PIWIL2: variants seen among roughly 807,000 people sequenced by gnomAD.
PIWIL2 encodes piwi-like protein 2.
In PIWIL2, 81 loss-of-function variants were observed where a neutral mutation model predicts 116.5. The observed-to-expected ratio is 0.70, with a 90% CI of 0.58 to 0.84. PIWIL2 has a LOEUF of 0.84. PIWIL2 is among the 40% of genes least tolerant of loss of function. PIWIL2 has a pLI of 0.00. For missense variants in PIWIL2, 1,272 were observed against 1,212.3 expected, an observed-to-expected ratio of 1.05 and a Z score of -0.73; for synonymous variants, 489 against 429.5, an observed-to-expected ratio of 1.14 and a Z score of -1.71.
chr8:22,347,601 A>G (rs1051619478), intron 20 of PIWIL2, among the ~76,000 whole-genome samples: 25 of 139,636 alleles, frequency 1.8e-4, no homozygotes, highest in Non-Finnish European at 3.0e-4. Context: ...ACCTTGCCTC[A>G]CTGCAGCCTC....
intron 20 of PIWIL2, among the ~76,000 whole-genome samples, chr8:22,331,746 G>A (rs539635000): frequency 1.3e-5 from 2 of 152,094 alleles, no homozygotes; most frequent in South Asian, 2.1e-4. Flanking sequence ...TGGCAGAGTC[G>A]GTTTCTTTTG....
intron 10 of PIWIL2, among the ~76,000 whole-genome samples, chr8:22,301,460 T>C (rs1376215703): frequency 6.6e-6 from 1 of 151,594 alleles, no homozygotes; most frequent in Non-Finnish European, 1.5e-5. Flanking sequence ...CACACCTGGC[T>C]GTTTTGTACT....
At chr8:22,284,437 TTGTG>T (rs1192581334) in intron 6 of PIWIL2, among the ~76,000 whole-genome samples, 165 bp downstream of exon 6, 1 of 152,172 alleles carries the variant, frequency 6.6e-6, no homozygotes, top group African/African-American at 2.4e-5. Context: ...ATCTTAAACT[TTGTG>T]TATGTATTTA....
In PIWIL2 at chr8:22,354,362, C is replaced by G; in HGVS notation, c.2749C>G (p.Pro917Ala). 6.2e-7 allele frequency: 1 copy of G among 1,609,532 alleles called. No individual in the cohort carries two copies. Reference sequence around the variant, plus strand: ...TGTTCTCAACACCGCAAACCTGAGCCCTGATCATATGCAGAGGTGGGCCCA... The same window carrying G: ...TGTTCTCAACACCGCAAACCTGAGCGCTGATCATATGCAGAGGTGGGCCCA... The part of the protein sequence containing the change: ...VCVLNTANLS[P>A]DHMQRLTFKL... Residue 917 changes from proline (P) to alanine (A), a missense_variant, in exon 22 of 23, where the codon CCT (proline) becomes GCT (alanine). Physicochemically the swap from Pro to Ala is conservative, Grantham distance 27. Transcript: ENST00000356766.
At position 22,357,270 on chromosome 8, in the gene PIWIL2, G is replaced by T. The variant is rs1223921777; in HGVS notation, c.*1765G>T. ...CACTGCTGGTTTCATTTGGAGTGTG[G>T]GACATTAGGGTGAGACAAGGACCTG... is the stretch of plus-strand genomic sequence containing the variant. On this transcript the variant is annotated 3_prime_UTR_variant, in exon 23 of 23. Transcript: ENST00000356766. 6.6e-6 allele frequency: 1 copy of T among 152,138 alleles called. No individual in the cohort carries two copies. Among genetic ancestry groups the T allele is most frequent in the African/African-American group, 2.4e-5 (1 of 41,412 alleles). 9.4% of individuals were successfully genotyped at this position (152,138 alleles called of 1,614,324 possible).
At chr8:22,326,829 C>T (rs780605397) in intron 20 of PIWIL2, among the ~76,000 whole-genome samples, 11 of 151,502 alleles carry the variant, frequency 7.3e-5, no homozygotes, top group Non-Finnish European at 1.3e-4. Context: ...GTTTAAGTTC[C>T]CATTTTCAGT....
chr8:22,277,886 A>G (rs1830413651), intron 1 of PIWIL2, among the ~76,000 whole-genome samples: 1 of 152,202 alleles, frequency 6.6e-6, no homozygotes, highest in Non-Finnish European at 1.5e-5. Context: ...AATTGTTTAT[A>G]GGCCAGGCAC....
chr8:22,314,597 A>G (rs1019256581), intron 17 of PIWIL2, among the ~76,000 whole-genome samples, 168 bp downstream of exon 17: 1 of 152,156 alleles, frequency 6.6e-6, no homozygotes, highest in African/African-American at 2.4e-5. Flanking sequence ...CAAAGAGTAG[A>G]TTGCTCTTCA....
intron 10 of PIWIL2, among the ~76,000 whole-genome samples, chr8:22,299,099 T>C (rs1830982826): frequency 6.6e-6 from 1 of 152,212 alleles, no homozygotes; most frequent in African/African-American, 2.4e-5. Flanking sequence ...TATGAATATT[T>C]GTTTTCATTT....
intron 20 of PIWIL2, among the ~76,000 whole-genome samples, chr8:22,348,968 TC>T (rs1832290045): frequency 6.6e-6 from 1 of 152,146 alleles, no homozygotes; most frequent in Non-Finnish European, 1.5e-5. Flanking sequence ...TGCCTTGAAC[TC>T]AGTGGTTAGT....
Position 22,311,103 on chromosome 8 carries a change from T to G in PIWIL2, c.1801-9T>G. The G allele has an allele frequency of 6.3e-7, 1 of 1,595,842 alleles. No homozygotes were observed. The highest frequency in any genetic ancestry group is 1.3e-5 in the African/African-American group (1 of 74,276). ...GTGAGAAATACTAAAAGCTCTTGGT[T>G]GTTCCTAGATCCCCATGCATTTCTG... On this transcript the variant is annotated splice_polypyrimidine_tract_variant and intron_variant, in intron 15 of 22. Transcript: ENST00000356766.
intron 8 of PIWIL2, 55 bp from the exon 9 acceptor site, chr8:22,289,792 G>A (rs1830715881): frequency 9.5e-7 from 1 of 1,056,710 alleles, no homozygotes; most frequent in Non-Finnish European, 1.5e-6. Flanking sequence ...AAGAATAATG[G>A]AACATAATTT....
intron 16 of PIWIL2, among the ~76,000 whole-genome samples, chr8:22,312,283 T>A (rs1246392994): frequency 3.1e-5 from 4 of 128,176 alleles, no homozygotes; most frequent in African/African-American, 5.4e-5. Flanking sequence ...AAAAAAAAAA[T>A]GAGATAGGAT....
At chr8:22,293,432 C>T (rs1405010324) in intron 10 of PIWIL2, among the ~76,000 whole-genome samples, 7 of 152,174 alleles carry the variant, frequency 4.6e-5, no homozygotes, top group Admixed American at 3.9e-4. Context: ...CTCCACCTTC[C>T]GGGTTCAAGT....
intron 21 of PIWIL2, among the ~76,000 whole-genome samples, chr8:22,354,068 A>C (rs570250172): frequency 6.6e-6 from 1 of 152,064 alleles, no homozygotes; most frequent in Non-Finnish European, 1.5e-5. Context: ...GAGTCACTGC[A>C]CCCAGCCTGT....
chr8:22,338,313 TAC>T (rs1832027593), intron 20 of PIWIL2, among the ~76,000 whole-genome samples: 1 of 152,196 alleles, frequency 6.6e-6, no homozygotes, highest in African/African-American at 2.4e-5. Context: ...GGTTGCAGGA[TAC>T]ACAGTTATTA....
At chr8:22,342,877 T>C (rs181093681) in intron 20 of PIWIL2, among the ~76,000 whole-genome samples, 2 of 152,162 alleles carry the variant, frequency 1.3e-5, no homozygotes, top group Non-Finnish European at 2.9e-5. Flanking sequence ...AGGACTGTTA[T>C]AAAGTATACA....
At chr8:22,289,759 G>C in intron 8 of PIWIL2, 88 bp from the exon 9 acceptor site, 1 of 787,782 alleles carries the variant, frequency 1.3e-6, no homozygotes, top group Non-Finnish European at 2.2e-6. Flanking sequence ...TAACCGTTCA[G>C]ACTTCCAAAG....
At chr8:22,355,043 C>G (rs1342248702) in intron 22 of PIWIL2, among the ~76,000 whole-genome samples, 1 of 150,620 alleles carries the variant, frequency 6.6e-6, no homozygotes, top group Non-Finnish European at 1.5e-5. Context: ...GCACTCCAGC[C>G]TGGGCAACAG....
Sources: gnomAD v4.1 joint callset for allele counts (sites outside exome capture counted in the v4.1 genomes callset) on GRCh38, gnomAD v4.1.1 for gene constraint, MANE v1.5 for transcripts, NCBI Gene and HGNC (gene_info 2026-07-23, HGNC 2026-07-21) for gene names.